THUMPD1: variants seen among roughly 807,000 people sequenced by gnomAD.
THUMPD1 encodes THUMP domain-containing protein 1.
Under a neutral mutation model 31.6 loss-of-function variants are expected in THUMPD1, and 31 were observed. That is an observed-to-expected ratio of 0.98 (90% CI 0.74 to 1.32). THUMPD1 has a LOEUF of 1.32. Ranked by LOEUF, THUMPD1 falls within the 40% of genes most tolerant of loss-of-function variation. The pLI, the probability that THUMPD1 is intolerant of heterozygous loss-of-function variation, is 0.00. For missense variants in THUMPD1, 446 were observed against 427.8 expected (o/e 1.04, Z -0.38); for synonymous variants, 166 against 158.2 (o/e 1.05, Z -0.37).
chr16:20,735,825 T>C lies in THUMPD1; in HGVS notation c.*1055A>G, dbSNP rs2079864235. The C allele has an allele frequency of 6.6e-6, 1 of 152,260 alleles. No individual in the cohort carries two copies. Among genetic ancestry groups the C allele is most frequent in the African/African-American group, 2.4e-5 (1 of 41,476 alleles). The allele number at this position is 152,260 out of a possible 1,614,324, so 9.4% of individuals were successfully genotyped here. ...AAAACCTTTTTTGCATCATATGACATATCATCAGTAAATCAACTTATTGAG... is the reference window on the plus strand; with the variant it reads ...AAAACCTTTTTTGCATCATATGACACATCATCAGTAAATCAACTTATTGAG... On this transcript the variant is annotated 3_prime_UTR_variant, in exon 4 of 4. Transcript: ENST00000396083.
intron 1 of THUMPD1, 28 bp downstream of exon 1, chr16:20,741,481 G>GGGGGGGGGGGGGCCCCCC: frequency 5.4e-6 from 7 of 1,308,406 alleles, no homozygotes; most frequent in Middle Eastern, 2.9e-4. Context: ...CTGGCAGCCG[G>GGGGGGGGGGGGGCCCCCC]CCCGCCCGCC....
intron 2 of THUMPD1, chr16:20,738,296 T>C (rs767433986): frequency 4.9e-6 from 2 of 407,772 alleles, no homozygotes; most frequent in Middle Eastern, 4.2e-4. Flanking sequence ...CATTAAACAG[T>C]ACACACTTTT....
intron 1 of THUMPD1, 144 bp from the exon 2 acceptor site, chr16:20,739,215 TC>T: frequency 1.2e-6 from 1 of 853,276 alleles, no homozygotes; most frequent in Non-Finnish European, 1.8e-6. Context: ...TCGCTTTGCC[TC>T]CCAGGCTGGA....
At chr16:20,741,481 G>GGGGGGGGCCC in intron 1 of THUMPD1, 28 bp downstream of exon 1, 1 of 1,308,412 alleles carries the variant, frequency 7.6e-7, no homozygotes, top group Non-Finnish European at 9.9e-7. Context: ...CTGGCAGCCG[G>GGGGGGGGCCC]CCCGCCCGCC....
At chr16:20,737,414 C>T in intron 3 of THUMPD1, 128 bp from the exon 4 acceptor site, 1 of 958,340 alleles carries the variant, frequency 1.0e-6, no homozygotes, top group Non-Finnish European at 1.5e-6. Context: ...ATGTGGACTT[C>T]AAATAATCTG....
In THUMPD1 at chr16:20,737,707, C is replaced by T; in HGVS notation, c.655+1G>A. 1 of 1,602,234 alleles carries T rather than the reference C, an allele frequency of 6.2e-7. No individual in the cohort carries two copies. Among genetic ancestry groups the T allele is most frequent in the Non-Finnish European group, 8.5e-7 (1 of 1,174,162 alleles). On this transcript the variant is annotated splice_donor_variant, in intron 3 of 3. Coordinates refer to ENST00000396083, the MANE Select transcript of THUMPD1 (RefSeq NM_017736.5). LOFTEE classifies it high-confidence loss of function. ...ATGGAAAATCACTAAGAGAAACATACCTGCCAATTCTCTGATAACTTCTTC... is the reference window on the plus strand; with the variant it reads ...ATGGAAAATCACTAAGAGAAACATATCTGCCAATTCTCTGATAACTTCTTC...
rs1294517115 is a variant in THUMPD1 at position 20,735,994 on chromosome 16, T to C, written c.*886A>G. On this transcript the variant is annotated 3_prime_UTR_variant, in exon 4 of 4. Coordinates refer to ENST00000396083, the MANE Select transcript of THUMPD1 (RefSeq NM_017736.5). ...TCTTAAACCTTTTGACTAAAGGTGA[T>C]TTCTGAACAAAAGCCTTACTGTTTT... is the stretch of plus-strand genomic sequence containing the variant. 1 of 152,220 alleles carries C rather than the reference T, an allele frequency of 6.6e-6. No homozygotes were observed. The highest frequency in any genetic ancestry group is 2.4e-5 in the African/African-American group (1 of 41,454). The allele number at this position is 152,220 out of a possible 1,614,324, so 9.4% of individuals were successfully genotyped here. A position where few individuals can be genotyped will look rare whatever the true frequency, so the allele number is the denominator to read the frequency against.
chr16:20,737,400 T>G, intron 3 of THUMPD1, 114 bp from the exon 4 acceptor site: 1 of 1,051,420 alleles, frequency 9.5e-7, no homozygotes, highest in Non-Finnish European at 1.3e-6. Context: ...TAATCCACTC[T>G]TCTATGTGGA....
intron 1 of THUMPD1, among the ~76,000 whole-genome samples, chr16:20,740,257 A>G (rs2152421012): frequency 6.6e-6 from 1 of 152,310 alleles, no homozygotes; most frequent in Admixed American, 6.5e-5. Flanking sequence ...TTAGTCGGGC[A>G]TGGTGGCACA....
At chr16:20,740,937 C>T (rs908078413) in intron 1 of THUMPD1, among the ~76,000 whole-genome samples, 2 of 152,202 alleles carry the variant, frequency 1.3e-5, no homozygotes, top group African/African-American at 4.8e-5. Context: ...GAAAGAGCTT[C>T]AGCACACCGC....
In THUMPD1 at chr16:20,737,755, C is replaced by T. The variant is rs764908847; in HGVS notation, c.608G>A (p.Arg203Gln). ...TTCTCTATTCACATGACTGTTATTT[C>T]GAGATTTGTACACAATCTGAAATGT... The part of the protein sequence containing the change: ...KGTFQIVYKS[R>Q]NNSHVNREEV... Residue 203 changes from arginine to glutamine, a missense_variant, in exon 3 of 4, where the codon CGA becomes CAA. Transcript: ENST00000396083. The T allele has an allele frequency of 5.6e-6, 9 of 1,613,642 alleles. 1 individual carries two copies. Among genetic ancestry groups the T allele is most frequent in the East Asian group, 4.5e-5 (2 of 44,806 alleles).
intron 3 of THUMPD1, 104 bp downstream of exon 3, chr16:20,737,604 C>A: frequency 8.5e-7 from 1 of 1,173,082 alleles, no homozygotes; most frequent in Non-Finnish European, 1.2e-6. Flanking sequence ...TATATTTGTT[C>A]TACACTCAAA....
chr16:20,738,999 C>G lies in THUMPD1; in HGVS notation c.304G>C (p.Glu102Gln). Reference protein sequence around the residue: ...DDDAEAALKKEVGDIKASTEM... With the variant: ...DDDAEAALKKQVGDIKASTEM... The stretch of plus-strand genomic sequence containing the variant: ...GTAGATGCCTTAATGTCACCAACTT[C>G]TTTCTTCAAGGCAGCCTCCGCATCA... The change falls in exon 2 of 4, where the codon GAA becomes CAA. Residue 102 changes from glutamate to glutamine, a missense_variant. Coordinates refer to ENST00000396083, the MANE Select transcript of THUMPD1 (RefSeq NM_017736.5). 1.2e-6 allele frequency: 2 copies of G among 1,614,230 alleles called. No individual in the cohort carries two copies. The highest frequency in any genetic ancestry group is 1.7e-6 in the Non-Finnish European group (2 of 1,180,046).
At chr16:20,739,176 ATTTTT>A (rs34908456) in intron 1 of THUMPD1, 105 bp from the exon 2 acceptor site, 4 of 793,646 alleles carry the variant, frequency 5.0e-6, no homozygotes, top group Non-Finnish European at 7.4e-6. Flanking sequence ...CTCAGTATTG[ATTTTT>A]TTTTTTTTTC....
chr16:20,739,442 AT>A (rs2079898963), intron 1 of THUMPD1, among the ~76,000 whole-genome samples: 1 of 152,068 alleles, frequency 6.6e-6, no homozygotes, highest in South Asian at 2.1e-4. Context: ...AAGTGCTGGG[AT>A]TACAGGTGTG....
chr16:20,741,479 C>CGGGGGGGGGGGGGGGGGGGGG, intron 1 of THUMPD1, 30 bp downstream of exon 1: 2 of 1,329,522 alleles, frequency 1.5e-6, no homozygotes. Context: ...GCCTGGCAGC[C>CGGGGGGGGGGGGGGGGGGGGG]GGCCCGCCCG....
intron 1 of THUMPD1, 110 bp from the exon 2 acceptor site, chr16:20,739,181 T>TA: frequency 8.9e-7 from 1 of 1,123,312 alleles, no homozygotes; most frequent in Non-Finnish European, 1.2e-6. Context: ...TATTGATTTT[T>TA]TTTTTTTTTC....
intron 1 of THUMPD1, among the ~76,000 whole-genome samples, chr16:20,739,476 A>G (rs1276724089): frequency 6.6e-6 from 1 of 152,066 alleles, no homozygotes; most frequent in East Asian, 1.9e-4. Flanking sequence ...CAGCTGACTC[A>G]GTATTGATAA....
chr16:20,738,899 A>G lies in THUMPD1; in HGVS notation c.404T>C (p.Ile135Thr), dbSNP rs550393731. ...ATCTTAGCAAGTATTTGTCACACCTATCCCAAGTGTCCTGATGAAGACAAC... is the reference window on the plus strand; with the variant it reads ...ATCTTAGCAAGTATTTGTCACACCTGTCCCAAGTGTCCTGATGAAGACAAC... ...NNVVFIRTLG[I>T]EPEKLVHHIL... Residue 135 changes from isoleucine to threonine, a missense_variant and splice_region_variant, in exon 2 of 4, where the codon ATA (isoleucine) becomes ACA (threonine). Ile to Thr is a moderately conservative substitution (Grantham distance 89). Transcript: ENST00000396083. 3 of 1,614,128 alleles carry G rather than the reference A, an allele frequency of 1.9e-6. No individual in the cohort carries two copies. In the Admixed American group the frequency reaches 5.0e-5, roughly 27 times the overall value.
Sources: gnomAD v4.1 joint callset for allele counts (sites outside exome capture counted in the v4.1 genomes callset) on GRCh38, gnomAD v4.1.1 for gene constraint, MANE v1.5 for transcripts, NCBI Gene and HGNC (gene_info 2026-07-23, HGNC 2026-07-21) for gene names.